The following MYRIP variants were observed in gnomAD, a reference collection of about 807,000 sequenced individuals.
MYRIP encodes the protein myosin VIIA and Rab interacting protein, also known as rab effector MyRIP.
In MYRIP, 49 loss-of-function variants were observed where a neutral mutation model predicts 98.0. The ratio of observed to expected loss-of-function variants is 0.50; its 90% CI spans 0.40 to 0.63. The LOEUF (loss-of-function observed/expected upper bound fraction) is 0.63. Ranked by LOEUF, MYRIP falls within the 30% of genes least tolerant of loss-of-function variation. The probability of loss-of-function intolerance (pLI) is 0.00; values close to 1 mark genes in which losing one functional copy is unlikely to be tolerated. For missense variants in MYRIP, 1,004 were observed against 1,058.2 expected (o/e 0.95, Z 0.71); for synonymous variants, 404 against 409.5 (o/e 0.99, Z 0.16).
intron 1 of MYRIP, among the ~76,000 whole-genome samples, chr3:39,899,842 A>G (rs1163012995): frequency 6.6e-6 from 1 of 152,188 alleles, no homozygotes; most frequent in East Asian, 1.9e-4. Context: ...ATTTTTTGAG[A>G]TGGAGTCTCG....
At chr3:39,826,681 T>C (rs764004477) in intron 1 of MYRIP, among the ~76,000 whole-genome samples, 11 of 152,194 alleles carry the variant, frequency 7.2e-5, no homozygotes, top group Non-Finnish European at 1.0e-4. Context: ...TTAAATCCAA[T>C]GTTTCTTTGT....
intron 2 of MYRIP, among the ~76,000 whole-genome samples, chr3:39,994,301 G>T (rs1401295273): frequency 6.6e-6 from 1 of 152,244 alleles, no homozygotes; most frequent in African/African-American, 2.4e-5. Flanking sequence ...AAAGAAAGGG[G>T]TGACAGATGG....
chr3:40,251,803 C>A, intron 15 of MYRIP, 78 bp from the exon 16 acceptor site: 1 of 952,230 alleles, frequency 1.1e-6, no homozygotes, highest in South Asian at 1.4e-5. Context: ...TCTGAGTAAT[C>A]TGGCCACCTT....
chr3:40,120,286 G>T (rs1303094302), intron 3 of MYRIP, among the ~76,000 whole-genome samples: 1 of 152,150 alleles, frequency 6.6e-6, no homozygotes, highest in Non-Finnish European at 1.5e-5. Context: ...AATATTCACA[G>T]TAATCAGATC....
At chr3:39,838,007 GCTCT>G (rs1170218890) in intron 1 of MYRIP, among the ~76,000 whole-genome samples, 7 of 152,160 alleles carry the variant, frequency 4.6e-5, no homozygotes, top group Non-Finnish European at 7.4e-5. Context: ...TCATGATTTG[GCTCT>G]CTGTCTACTA....
chr3:40,011,366 C>G (rs1347860516), intron 2 of MYRIP, among the ~76,000 whole-genome samples: 1 of 152,150 alleles, frequency 6.6e-6, no homozygotes, highest in Non-Finnish European at 1.5e-5. Context: ...CTTCCCTTCC[C>G]TCTTTCTATT....
intron 2 of MYRIP, among the ~76,000 whole-genome samples, chr3:39,963,652 C>T (rs948367967): frequency 7.9e-5 from 12 of 152,034 alleles, no homozygotes; most frequent in Admixed American, 7.2e-4. Context: ...AAGCTTAGTA[C>T]TTGAGTTAAA....
intron 1 of MYRIP, among the ~76,000 whole-genome samples, chr3:39,855,496 G>A (rs1942258122): frequency 6.6e-6 from 1 of 152,078 alleles, no homozygotes; most frequent in African/African-American, 2.4e-5. Context: ...CTCCTTGGAC[G>A]GGGCTTCCTG....
chr3:39,821,608 A>G (rs1448334837), intron 1 of MYRIP, among the ~76,000 whole-genome samples: 2 of 151,858 alleles, frequency 1.3e-5, no homozygotes, highest in East Asian at 3.9e-4. Flanking sequence ...ATTTTTCTCT[A>G]AGTATTGCTT....
intron 9 of MYRIP, among the ~76,000 whole-genome samples, chr3:40,183,623 C>T (rs1274793928): frequency 2.0e-5 from 3 of 152,218 alleles, no homozygotes. Flanking sequence ...CAGACTAAAA[C>T]TTCCCCCAAC....
chr3:39,812,733 A>G (rs12635275), intron 1 of MYRIP, among the ~76,000 whole-genome samples: 4,280 of 152,358 alleles, frequency 0.028, 199 homozygotes, highest in East Asian at 0.23. Flanking sequence ...TGTTGTTGCC[A>G]CATGGTGGCG....
At chr3:39,833,274 G>A (rs570344172) in intron 1 of MYRIP, among the ~76,000 whole-genome samples, 4 of 152,224 alleles carry the variant, frequency 2.6e-5, no homozygotes, top group South Asian at 4.1e-4. Context: ...AATATCTTTC[G>A]CGTTTTATAA....
intron 3 of MYRIP, among the ~76,000 whole-genome samples, chr3:40,092,887 C>T (rs373517802): frequency 1.3e-5 from 2 of 152,284 alleles, no homozygotes; most frequent in African/African-American, 2.4e-5. Context: ...GTGTTCCCGT[C>T]GCAGGAGTTT....
chr3:39,976,505 G>C (rs1471813306), intron 2 of MYRIP, among the ~76,000 whole-genome samples: 1 of 152,128 alleles, frequency 6.6e-6, no homozygotes, highest in East Asian at 1.9e-4. Context: ...CAGGGATCTA[G>C]AACTAGAAAT....
chr3:40,060,455 G>A (rs912315549), intron 3 of MYRIP, among the ~76,000 whole-genome samples: 2 of 152,118 alleles, frequency 1.3e-5, no homozygotes, highest in Admixed American at 6.6e-5. Context: ...GACAAAAAAG[G>A]CAGCATATAT....
At chr3:40,103,758 T>TA (rs1948998887) in intron 3 of MYRIP, among the ~76,000 whole-genome samples, 2 of 150,868 alleles carry the variant, frequency 1.3e-5, no homozygotes, top group South Asian at 2.1e-4. Context: ...AAACTCTGTC[T>TA]AAAAAAAAGA....
intron 4 of MYRIP, among the ~76,000 whole-genome samples, 159 bp from the exon 5 acceptor site, chr3:40,162,571 G>A (rs920882224): frequency 6.6e-6 from 1 of 152,216 alleles, no homozygotes; most frequent in South Asian, 2.1e-4. Flanking sequence ...AAAACTGTTA[G>A]CATTATTGTG....
At chr3:40,009,880 C>T (rs2125794636) in intron 2 of MYRIP, among the ~76,000 whole-genome samples, 1 of 152,360 alleles carries the variant, frequency 6.6e-6, no homozygotes, top group Non-Finnish European at 1.5e-5. Flanking sequence ...ATATTGCAGA[C>T]ATGGCAACTG....
chr3:40,071,837 G>C (rs1267327812), intron 3 of MYRIP, among the ~76,000 whole-genome samples: 14 of 152,162 alleles, frequency 9.2e-5, no homozygotes, highest in Non-Finnish European at 1.6e-4. Flanking sequence ...ATTTGCTTTG[G>C]GGTGTGGCAT....
Sources: gnomAD v4.1 joint callset for allele counts (sites outside exome capture counted in the v4.1 genomes callset) on GRCh38, gnomAD v4.1.1 for gene constraint, MANE v1.5 for transcripts, NCBI Gene and HGNC (gene_info 2026-07-23, HGNC 2026-07-21) for gene names.